The following ACAD10 variants were observed in gnomAD, a reference collection of about 807,000 sequenced individuals.
ACAD10 encodes acyl-CoA dehydrogenase family member 10.
ACAD10 carries 112 observed loss-of-function variants against 116.8 expected under a neutral mutation model. The ratio of observed to expected loss-of-function variants is 0.96; its 90% confidence interval spans 0.82 to 1.12. The LOEUF is 1.12. Among genes scored for constraint, ACAD10 ranks in the 50% most tolerant of loss-of-function variants. The probability of loss-of-function intolerance (pLI) is 0.00; values close to 1 mark genes in which losing one functional copy is unlikely to be tolerated. For missense variants in ACAD10, 1,259 were observed against 1,350.2 expected (o/e 0.93, Z 1.06); for synonymous variants, 486 against 510.6 (o/e 0.95, Z 0.65).
At chr12:111,714,510 C>G (rs1403084334) in intron 6 of ACAD10, among the ~76,000 whole-genome samples, 1 of 151,300 alleles carries the variant, frequency 6.6e-6, no homozygotes, top group Non-Finnish European at 1.5e-5. Context: ...ACTAAAAATA[C>G]AAAAATTAGC....
intron 7 of ACAD10, among the ~76,000 whole-genome samples, chr12:111,720,842 G>A (rs1001387704): frequency 2.0e-5 from 3 of 151,868 alleles, no homozygotes; most frequent in African/African-American, 7.2e-5. Context: ...GGAGCACAGT[G>A]GAGCGATCTT....
intron 7 of ACAD10, 103 bp from the exon 8 acceptor site, chr12:111,721,568 A>C (rs892541319): frequency 8.4e-7 from 1 of 1,188,230 alleles, no homozygotes; most frequent in African/African-American, 1.5e-5. Flanking sequence ...ACTGTGTCTC[A>C]AAAAACAAAA....
At chr12:111,725,834 G>A (rs1275529507) in intron 8 of ACAD10, among the ~76,000 whole-genome samples, 3 of 151,848 alleles carry the variant, frequency 2.0e-5, no homozygotes, top group African/African-American at 7.3e-5. Context: ...GCACCCGGCC[G>A]ACATTGTTTT....
chr12:111,709,828 T>C (rs1373241716), intron 5 of ACAD10, 144 bp downstream of exon 5: 1 of 938,022 alleles, frequency 1.1e-6, no homozygotes, highest in African/African-American at 1.7e-5. Context: ...GTGTTAATTA[T>C]GAAATCTATG....
At chr12:111,718,626 T>G (rs1325730716) in intron 7 of ACAD10, among the ~76,000 whole-genome samples, 2 of 151,986 alleles carry the variant, frequency 1.3e-5, no homozygotes, top group African/African-American at 4.8e-5. Flanking sequence ...ATTACAGGCA[T>G]GCGCCACCAT....
At chr12:111,735,769 A>G (rs150805990) in intron 11 of ACAD10, among the ~76,000 whole-genome samples, 76 of 150,426 alleles carry the variant, frequency 5.1e-4, no homozygotes, top group Non-Finnish European at 9.0e-4. Flanking sequence ...AAATTATTTT[A>G]TTTGCTATAA....
chr12:111,692,129 C>T lies in ACAD10; in HGVS notation c.-13-568C>T, dbSNP rs186432820. ...GATTACAGGCATGCGCCACCATGCC[C>T]GGCTAATTTTGTATTTTTAGTAGAG... On this transcript the variant is annotated intron_variant, in intron 1 of 20. Transcript: ENST00000313698. 1.2e-3 allele frequency among the ~76,000 whole-genome samples: 189 copies of T among 152,116 alleles called. 6 individuals carry two copies. The highest frequency in any genetic ancestry group is 0.012 in the Admixed American group (184 of 15,266).
chr12:111,740,168 A>T (rs1356318504), intron 12 of ACAD10, among the ~76,000 whole-genome samples: 2 of 152,002 alleles, frequency 1.3e-5, no homozygotes, highest in Non-Finnish European at 2.9e-5. Flanking sequence ...TGTCTTTGAA[A>T]TTTTCCAAAA....
At chr12:111,711,759 G>A (rs563190916) in intron 5 of ACAD10, among the ~76,000 whole-genome samples, 49 of 152,146 alleles carry the variant, frequency 3.2e-4, no homozygotes, top group African/African-American at 1.1e-3. Context: ...TGATCCACCC[G>A]CCTTGGCTTC....
chr12:111,693,064 C>A, intron 2 of ACAD10, 168 bp downstream of exon 2: 1 of 672,956 alleles, frequency 1.5e-6, no homozygotes, highest in Non-Finnish European at 2.5e-6. Context: ...GTGTCTTGGG[C>A]GCATGATTCA....
At chr12:111,723,375 C>A (rs1452255265) in intron 8 of ACAD10, among the ~76,000 whole-genome samples, 8 of 137,468 alleles carry the variant, frequency 5.8e-5, no homozygotes, top group Admixed American at 4.2e-4. Context: ...GGGGGCTGAC[C>A]CCCCCACCTC....
chr12:111,743,732 CTCAATTT>C (rs1170842424), intron 12 of ACAD10, among the ~76,000 whole-genome samples: 5 of 152,094 alleles, frequency 3.3e-5, no homozygotes, highest in Non-Finnish European at 7.4e-5. Flanking sequence ...TACACCACTC[CTCAATTT>C]TTTTATTTTT....
intron 16 of ACAD10, chr12:111,747,589 G>A: frequency 3.6e-6 from 5 of 1,396,408 alleles, no homozygotes; most frequent in Non-Finnish European, 4.7e-6. Flanking sequence ...ACTTCACAGG[G>A]CAGGGACGTC....
intron 1 of ACAD10, among the ~76,000 whole-genome samples, chr12:111,689,684 G>GTTTGT (rs1219245333): frequency 1.3e-5 from 2 of 149,586 alleles, no homozygotes; most frequent in Non-Finnish European, 3.0e-5. Context: ...TACTGTGTGT[G>GTTTGT]TTTGTTTTGT....
Position 111,753,711 on chromosome 12 carries a change from C to T in ACAD10, c.2818-61C>T, listed in dbSNP as rs536012806. 40 of 1,611,188 alleles carry T rather than the reference C, an allele frequency of 2.5e-5. No individual in the cohort carries two copies. In the East Asian group the frequency reaches 2.9e-4, roughly 12 times the overall value. On this transcript the variant is annotated intron_variant, in intron 18 of 20. Coordinates refer to ENST00000313698, the MANE Select transcript of ACAD10 (RefSeq NM_025247.6). ...CCCAGCTCTGCAGGCCACCAGCCCC[C>T]GCCTCTCGTGGCCACCCCCAGCCCA...
intron 8 of ACAD10, among the ~76,000 whole-genome samples, chr12:111,722,368 A>ATTAATTATTTAT (rs1245952499): frequency 3.5e-5 from 5 of 143,508 alleles, no homozygotes; most frequent in African/African-American, 1.4e-4. Context: ...CCGGCCCTAA[A>ATTAATTATTTAT]CTATTTATTT....
intron 8 of ACAD10, among the ~76,000 whole-genome samples, chr12:111,724,366 A>G (rs1376993436): frequency 6.6e-6 from 1 of 151,070 alleles, no homozygotes; most frequent in East Asian, 2.0e-4. Flanking sequence ...GACGATGGGC[A>G]GCCAGGCAGA....
rs1166751215 is a variant in ACAD10 at position 111,729,781 on chromosome 12, C to G, written c.1244-25C>G. 12 of 1,598,602 alleles carry G rather than the reference C, an allele frequency of 7.5e-6. No individual in the cohort carries two copies. The South Asian group carries it at 1.3e-4, about 18-fold the overall frequency. ...TTCAGAGGTTGCTGAAATTGCACAC[C>G]AAGTTCTAATCCTATTTCCCGCAGG... On this transcript the variant is annotated intron_variant, in intron 9 of 20. Transcript: ENST00000313698.
chr12:111,730,794 C>T (rs1377806095), intron 10 of ACAD10, among the ~76,000 whole-genome samples: 4 of 151,388 alleles, frequency 2.6e-5, no homozygotes, highest in Non-Finnish European at 4.4e-5. Flanking sequence ...CTCAGTCGCC[C>T]AGGCTGGAGT....
Sources: allele counts gnomAD v4.1 joint callset (sites outside exome capture counted in the v4.1 genomes callset), GRCh38; gene constraint gnomAD v4.1.1; transcripts MANE v1.5; gene names NCBI Gene and HGNC (gene_info 2026-07-23, HGNC 2026-07-21).